TIAM2: variants seen among roughly 807,000 people sequenced by gnomAD.
TIAM2 encodes the protein TIAM Rac1 associated GEF 2.
Under a neutral mutation model 152.9 loss-of-function variants are expected in TIAM2, and 80 were observed. The ratio of observed to expected loss-of-function variants is 0.52; its 90% CI spans 0.44 to 0.63. TIAM2 has a LOEUF of 0.63. Among genes scored for constraint, TIAM2 ranks in the 30% least tolerant of loss-of-function variants. The pLI is 0.00. For missense variants in TIAM2, 1,965 were observed against 2,120.1 expected (o/e 0.93, Z 1.44); for synonymous variants, 804 against 838.0 (o/e 0.96, Z 0.70).
chr6:155,067,823 G>A (rs1315956866), intron 1 of TIAM2, among the ~76,000 whole-genome samples: 1 of 151,988 alleles, frequency 6.6e-6, no homozygotes, highest in East Asian at 1.9e-4. Context: ...TGTATTTTTT[G>A]TAGTGACGGG....
At chr6:155,187,578 T>C (rs1293875468) in intron 14 of TIAM2, among the ~76,000 whole-genome samples, 1 of 116,088 alleles carries the variant, frequency 8.6e-6, no homozygotes, top group Non-Finnish European at 1.8e-5. Context: ...GCCCCCTTTT[T>C]TTTTTTTTTT....
At chr6:155,147,279 C>G (rs1458136266) in intron 6 of TIAM2, among the ~76,000 whole-genome samples, 1 of 149,368 alleles carries the variant, frequency 6.7e-6, no homozygotes, top group Admixed American at 6.7e-5. Context: ...TGTTAAAATT[C>G]CGAAGACAAG....
At chr6:155,091,329 C>T (rs1562312983) in intron 2 of TIAM2, among the ~76,000 whole-genome samples, 1 of 152,166 alleles carries the variant, frequency 6.6e-6, no homozygotes, top group Admixed American at 6.6e-5. Flanking sequence ...AGAAGCTCCA[C>T]AAGGGCAGGA....
intron 4 of TIAM2, among the ~76,000 whole-genome samples, chr6:155,132,227 G>A (rs1238167264): frequency 1.4e-5 from 2 of 146,204 alleles, no homozygotes; most frequent in East Asian, 4.0e-4. Context: ...AATTTGTGTG[G>A]GCAGTTAGTC....
chr6:155,207,288 A>G (rs1308721528), intron 14 of TIAM2, among the ~76,000 whole-genome samples: 4 of 152,200 alleles, frequency 2.6e-5, no homozygotes, highest in Non-Finnish European at 5.9e-5. Context: ...TGTCTCTTCT[A>G]TAAAGAGCAC....
At chr6:155,230,087 A>G (rs6930662) in intron 15 of TIAM2, among the ~76,000 whole-genome samples, 88,662 of 151,270 alleles carry the variant, frequency 0.59, 27,453 homozygotes, top group Middle Eastern at 0.74. Flanking sequence ...CACCGAGAGT[A>G]CAAATCCACC....
rs113661760 is a variant in TIAM2 at position 155,167,661 on chromosome 6, T to C, written c.2361+2252T>C. 6.2e-3 allele frequency among the ~76,000 whole-genome samples: 940 copies of C among 152,316 alleles called. 9 individuals are homozygous for C. Among genetic ancestry groups the C allele is most frequent in the African/African-American group, 0.022 (904 of 41,558 alleles). Reference sequence around the variant, plus strand: ...TATGCTTTCTTTATTTTTTAAAAATTGTTTTTGTAGAAATGGGGATGGGAG... The same window carrying C: ...TATGCTTTCTTTATTTTTTAAAAATCGTTTTTGTAGAAATGGGGATGGGAG... On this transcript the variant is annotated intron_variant, in intron 9 of 26. Coordinates refer to ENST00000682666, the MANE Select transcript of TIAM2 (RefSeq NM_012454.4).
intron 1 of TIAM2, among the ~76,000 whole-genome samples, chr6:155,056,582 T>C (rs1777457916): frequency 6.6e-6 from 1 of 151,960 alleles, no homozygotes; most frequent in African/African-American, 2.4e-5. Flanking sequence ...CTCTGACCAA[T>C]GATAGTATAA....
At chr6:155,172,206 T>G (rs1285096418) in intron 9 of TIAM2, among the ~76,000 whole-genome samples, 1 of 152,180 alleles carries the variant, frequency 6.6e-6, no homozygotes, top group African/African-American at 2.4e-5. Context: ...TGACTGTGGC[T>G]GCAGCCCAGT....
rs541565284 is a variant in TIAM2 at position 155,073,639 on chromosome 6, C to T, written c.-208-16650C>T. 8.3e-4 allele frequency among the ~76,000 whole-genome samples: 127 copies of T among 152,096 alleles called. 1 individual carries two copies. Among genetic ancestry groups the T allele is most frequent in the Non-Finnish European group, 8.2e-4 (56 of 67,988 alleles). ...ACTTACAGAGCAAGAAAGTGAGGCT[C>T]CAGGCCACACCCACCAGAGCAGCTG... On this transcript the variant is annotated intron_variant, in intron 1 of 26. Transcript: ENST00000682666.
At chr6:155,222,659 A>C (rs1043372025) in intron 15 of TIAM2, among the ~76,000 whole-genome samples, 4 of 149,380 alleles carry the variant, frequency 2.7e-5, no homozygotes, top group African/African-American at 9.8e-5. Context: ...TTTTTGCCCT[A>C]AGTCTTACAC....
At chr6:155,049,198 G>A (rs1777269260) in intron 1 of TIAM2, among the ~76,000 whole-genome samples, 1 of 152,134 alleles carries the variant, frequency 6.6e-6, no homozygotes, top group South Asian at 2.1e-4. Flanking sequence ...ACATGCGGAA[G>A]TGGGCTGGGG....
chr6:155,077,476 A>T (rs1339436322), intron 1 of TIAM2, among the ~76,000 whole-genome samples: 4 of 152,168 alleles, frequency 2.6e-5, no homozygotes, highest in African/African-American at 7.2e-5. Context: ...AATATTTTTT[A>T]AAAAGGGTTT....
chr6:155,023,800 T>C (rs1162791802), intron 1 of TIAM2, among the ~76,000 whole-genome samples: 1 of 152,130 alleles, frequency 6.6e-6, no homozygotes, highest in Non-Finnish European at 1.5e-5. Flanking sequence ...AATTGTGCGC[T>C]CCGTAAACCA....
At chr6:155,238,222 G>A (rs1197944690) in intron 15 of TIAM2, among the ~76,000 whole-genome samples, 1 of 152,202 alleles carries the variant, frequency 6.6e-6, no homozygotes, top group Non-Finnish European at 1.5e-5. Flanking sequence ...ACAAGGGTCA[G>A]CTTTGCTCCA....
chr6:155,112,597 T>C (rs1466703741), intron 2 of TIAM2, among the ~76,000 whole-genome samples: 1 of 152,158 alleles, frequency 6.6e-6, no homozygotes, highest in South Asian at 2.1e-4. Flanking sequence ...TTAAATACCA[T>C]CTTTGTGTGG....
intron 15 of TIAM2, among the ~76,000 whole-genome samples, chr6:155,228,854 C>A (rs977573100): frequency 2.2e-4 from 34 of 152,206 alleles, no homozygotes; most frequent in African/African-American, 6.8e-4. Context: ...TCCTGGGGAG[C>A]AGGGGTCCTC....
intron 1 of TIAM2, among the ~76,000 whole-genome samples, chr6:155,025,924 GTTGAGCAGTGGGACAAAAGCCTCC>G (rs1229382721): frequency 6.6e-6 from 1 of 151,390 alleles, no homozygotes; most frequent in Non-Finnish European, 1.5e-5. Flanking sequence ...GAAAGGTGTT[GTTGAGCAGTGGGACAAAAGCCTCC>G]TTGAGCAGTT....
intron 15 of TIAM2, among the ~76,000 whole-genome samples, chr6:155,229,455 C>T (rs1425166303): frequency 6.6e-6 from 1 of 152,204 alleles, no homozygotes; most frequent in Non-Finnish European, 1.5e-5. Flanking sequence ...TCTTGACCAC[C>T]CTTTAAATGT....
Sources: allele counts gnomAD v4.1 joint callset (sites outside exome capture counted in the v4.1 genomes callset), GRCh38; gene constraint gnomAD v4.1.1; transcripts MANE v1.5; gene names NCBI Gene and HGNC (gene_info 2026-07-23, HGNC 2026-07-21).